Variants in KLHDC10 observed in about 807,000 individuals in gnomAD.
The protein encoded by KLHDC10 is kelch domain containing 10.
In KLHDC10, 24 loss-of-function variants were observed where a neutral mutation model predicts 56.1. The ratio of observed to expected loss-of-function variants is 0.43; its 90% CI spans 0.31 to 0.60. The LOEUF is 0.60. KLHDC10 is among the 20% of genes least tolerant of loss of function. KLHDC10 has a pLI of 0.11. For synonymous variants in KLHDC10, 188 were observed against 207.1 expected (o/e 0.91, Z 0.79); for missense variants, 349 against 567.0 (o/e 0.62, Z 3.91).
chr7:130,073,509 T>C (rs1361731138), intron 1 of KLHDC10, among the ~76,000 whole-genome samples: 1 of 152,078 alleles, frequency 6.6e-6, no homozygotes, highest in African/African-American at 2.4e-5. Flanking sequence ...TTGGCCAGGC[T>C]GGGCTCGAAC....
intron 2 of KLHDC10, among the ~76,000 whole-genome samples, chr7:130,098,982 G>C (rs1296102036): frequency 6.6e-6 from 1 of 152,166 alleles, no homozygotes; most frequent in Non-Finnish European, 1.5e-5. Flanking sequence ...ATTGAGGTGG[G>C]AGTTAACTCA....
intron 2 of KLHDC10, among the ~76,000 whole-genome samples, chr7:130,097,457 G>T (rs1294627638): frequency 1.3e-5 from 2 of 151,674 alleles, no homozygotes; most frequent in African/African-American, 4.8e-5. Context: ...TTAACAAAGG[G>T]GTAATATGAA....
At chr7:130,086,684 G>T (rs1021011287) in intron 1 of KLHDC10, among the ~76,000 whole-genome samples, 1 of 152,146 alleles carries the variant, frequency 6.6e-6, no homozygotes, top group Admixed American at 6.5e-5. Flanking sequence ...CTTATCTCAT[G>T]CTTCTTCATG....
At chr7:130,078,703 A>G (rs1199143758) in intron 1 of KLHDC10, among the ~76,000 whole-genome samples, 3 of 152,104 alleles carry the variant, frequency 2.0e-5, no homozygotes, top group African/African-American at 7.2e-5. Flanking sequence ...TATTTTTAGT[A>G]GACACGGGGT....
At chr7:130,108,984 A>G (rs1437044814) in intron 2 of KLHDC10, among the ~76,000 whole-genome samples, 1 of 151,984 alleles carries the variant, frequency 6.6e-6, no homozygotes, top group Non-Finnish European at 1.5e-5. Flanking sequence ...GCGCCATCTC[A>G]GCTCACTGCA....
intron 1 of KLHDC10, among the ~76,000 whole-genome samples, chr7:130,073,198 A>G (rs1795445964): frequency 6.6e-6 from 1 of 152,084 alleles, no homozygotes; most frequent in Admixed American, 6.6e-5. Flanking sequence ...GCAAGACCAC[A>G]TCTCAAGTTA....
At chr7:130,123,016 TATGGATGG>T (rs34901862) in intron 5 of KLHDC10, among the ~76,000 whole-genome samples, 15 of 149,050 alleles carry the variant, frequency 1.0e-4, no homozygotes, top group East Asian at 8.0e-4. Context: ...TAGATGGATG[TATGGATGG>T]ATGGATGGAT....
intron 6 of KLHDC10, among the ~76,000 whole-genome samples, chr7:130,125,412 G>A (rs11773247): frequency 0.24 from 36,814 of 151,782 alleles, 4,810 homozygotes; most frequent in Non-Finnish European, 0.27. Flanking sequence ...GCGTGTTGGC[G>A]GGCACCTGTA....
intron 1 of KLHDC10, among the ~76,000 whole-genome samples, chr7:130,071,246 G>C (rs1795405113): frequency 6.6e-6 from 1 of 152,178 alleles, no homozygotes; most frequent in Admixed American, 6.6e-5. Context: ...AAAACTACAC[G>C]GGGCGTGTGT....
At chr7:130,095,777 T>C (rs1795840909) in intron 1 of KLHDC10, among the ~76,000 whole-genome samples, 1 of 152,254 alleles carries the variant, frequency 6.6e-6, no homozygotes, top group African/African-American at 2.4e-5. Flanking sequence ...TAAGACAGGA[T>C]AAAATATGGT....
chr7:130,075,578 T>C (rs1218149225), intron 1 of KLHDC10, among the ~76,000 whole-genome samples: 1 of 152,192 alleles, frequency 6.6e-6, no homozygotes, highest in East Asian at 1.9e-4. Context: ...GGATGGGTAT[T>C]TAAGATGTTT....
In KLHDC10 at chr7:130,134,745, A is replaced by AT. The variant is rs1796445468; in HGVS notation, c.*4005dup. On this transcript the variant is annotated 3_prime_UTR_variant, in exon 10 of 10. Transcript: ENST00000335420. ...GCTATTTTCCTTTATTTTTTGTATT[A>AT]TTTTTTATTTTTCTGGCATTGAGCT... 6.6e-6 allele frequency: 1 copy of AT among 151,724 alleles called. No individual in the cohort carries two copies. The highest frequency in any genetic ancestry group is 1.5e-5 in the Non-Finnish European group (1 of 67,924). The allele number at this position is 151,724 out of a possible 1,614,324, so 9.4% of individuals were successfully genotyped here. A position where few individuals can be genotyped will look rare whatever the true frequency, so the allele number is the denominator to read the frequency against.
At chr7:130,104,387 GT>G (rs1425563107) in intron 2 of KLHDC10, among the ~76,000 whole-genome samples, 1 of 152,204 alleles carries the variant, frequency 6.6e-6, no homozygotes, top group African/African-American at 2.4e-5. Context: ...ATTTACAGGT[GT>G]AGTATTATCT....
At chr7:130,099,748 C>G (rs1440305313) in intron 2 of KLHDC10, among the ~76,000 whole-genome samples, 3 of 152,144 alleles carry the variant, frequency 2.0e-5, no homozygotes, top group African/African-American at 7.2e-5. Flanking sequence ...TTTTCAGGAT[C>G]AGATTTGGTT....
intron 6 of KLHDC10, among the ~76,000 whole-genome samples, chr7:130,125,540 C>G (rs1393222620): frequency 1.3e-4 from 3 of 23,388 alleles, no homozygotes; most frequent in Non-Finnish European, 3.2e-4. Flanking sequence ...AAGACTCCAT[C>G]TCAAAAAAAT....
intron 1 of KLHDC10, among the ~76,000 whole-genome samples, chr7:130,077,371 A>AC (rs1313594448): frequency 1.1e-4 from 16 of 148,292 alleles, no homozygotes; most frequent in Non-Finnish European, 2.1e-4. Flanking sequence ...AAAAAAAAAA[A>AC]AAAAAAAAAA....
rs1179851214 is a variant in KLHDC10 at position 130,079,718 on chromosome 7, C to A, written c.166+8909C>A. The stretch of plus-strand genomic sequence containing the variant: ...ATTTCAAAGCTTGCCTGCCTGCCTG[C>A]CTTCCTGCCTTCCTTCCTTCCTTCC... On this transcript the variant is annotated intron_variant, in intron 1 of 9. Transcript: ENST00000335420. Among the ~76,000 whole-genome samples, 5 of 92,550 alleles carry A rather than the reference C, an allele frequency of 5.4e-5. No individual in the cohort carries two copies. In the East Asian group the frequency reaches 7.8e-4, roughly 15 times the overall value. The allele number at this position is 92,550 out of a possible 152,430, so 60.7% of individuals were successfully genotyped here.
At chr7:130,100,430 T>G (rs1167332619) in intron 2 of KLHDC10, among the ~76,000 whole-genome samples, 1 of 152,208 alleles carries the variant, frequency 6.6e-6, no homozygotes, top group Non-Finnish European at 1.5e-5. Context: ...AATAGGACAG[T>G]GCCTTTCATA....
At chr7:130,110,889 A>G (rs1331571947) in intron 2 of KLHDC10, among the ~76,000 whole-genome samples, 15 of 152,150 alleles carry the variant, frequency 9.9e-5, no homozygotes, top group Admixed American at 9.8e-4. Context: ...GTTATGTACT[A>G]CTTTATTTAC....
Sources: allele counts gnomAD v4.1 joint callset (sites outside exome capture counted in the v4.1 genomes callset), GRCh38; gene constraint gnomAD v4.1.1; transcripts MANE v1.5; gene names NCBI Gene and HGNC (gene_info 2026-07-23, HGNC 2026-07-21).